Variants in SORCS3 observed in about 807,000 individuals in gnomAD.
SORCS3 encodes VPS10 domain-containing receptor SorCS3.
Under a neutral mutation model 146.3 loss-of-function variants are expected in SORCS3, and 57 were observed. That is an observed-to-expected ratio of 0.39 (90% confidence interval 0.31 to 0.49). The LOEUF is 0.49. Among genes scored for constraint, SORCS3 ranks in the 20% least tolerant of loss-of-function variants. The pLI is 0.92. For synonymous variants in SORCS3, 653 were observed against 618.5 expected (o/e 1.06, Z -0.83); for missense variants, 1,341 against 1,575.5 (o/e 0.85, Z 2.52).
At chr10:104,954,165 A>G (rs926333657) in intron 3 of SORCS3, among the ~76,000 whole-genome samples, 2 of 152,222 alleles carry the variant, frequency 1.3e-5, no homozygotes, top group African/African-American at 4.8e-5. Flanking sequence ...AAGAAAATTT[A>G]TGCATCCAAG....
At chr10:105,004,590 G>C (rs2055082712) in intron 4 of SORCS3, among the ~76,000 whole-genome samples, 1 of 152,128 alleles carries the variant, frequency 6.6e-6, no homozygotes. Context: ...TTAACTACCA[G>C]ATCCCTGCTG....
chr10:104,908,276 A>G (rs887000784), intron 2 of SORCS3, among the ~76,000 whole-genome samples: 5 of 152,236 alleles, frequency 3.3e-5, no homozygotes, highest in African/African-American at 1.2e-4. Context: ...TGACAATTGG[A>G]AACAGTGTCC....
Position 105,020,899 on chromosome 10 carries a change from T to G in SORCS3, c.955-22156T>G, listed in dbSNP as rs549479653. ...CTTGTCTGAGTTCGTATGATACTCA[T>G]CATCTATATCCTTGGCCACAGTACA... On this transcript the variant is annotated intron_variant, in intron 4 of 26. Transcript: ENST00000369701. Among the ~76,000 whole-genome samples, 3 of 152,322 alleles carry G rather than the reference T, an allele frequency of 2.0e-5. No individual in the cohort carries two copies. In the East Asian group the frequency reaches 5.8e-4, roughly 29 times the overall value.
In SORCS3 at chr10:104,812,556, C is replaced by A. The variant is rs894438380; in HGVS notation, c.628-30236C>A. On this transcript the variant is annotated intron_variant, in intron 1 of 26. Coordinates refer to ENST00000369701, the MANE Select transcript of SORCS3 (RefSeq NM_014978.3). ...TTTGTTTCCTCAAATAATAACAATG[C>A]ACAATGTTGGAATATTCCAGTGAGT... is the stretch of plus-strand genomic sequence containing the variant. 3.3e-5 allele frequency among the ~76,000 whole-genome samples: 5 copies of A among 152,354 alleles called. No individual in the cohort carries two copies. The East Asian group carries it at 9.6e-4, about 29-fold the overall frequency.
rs894323630 is a variant in SORCS3 at position 104,878,248 on chromosome 10, T to C, written c.695+35389T>C. Among the ~76,000 whole-genome samples, 38 of 152,146 alleles carry C rather than the reference T, an allele frequency of 2.5e-4. 1 individual carries two copies. The highest frequency in any genetic ancestry group is 8.9e-4 in the African/African-American group (37 of 41,440). On this transcript the variant is annotated intron_variant, in intron 2 of 26. Transcript: ENST00000369701. ...TGGACAAGACATTCATGGACCCTAC[T>C]CTTGACAAGTTGACATGCTTATAGG... is the stretch of plus-strand genomic sequence containing the variant.
intron 4 of SORCS3, among the ~76,000 whole-genome samples, chr10:105,042,688 T>A (rs182009892): frequency 1.3e-5 from 2 of 152,266 alleles, no homozygotes; most frequent in Non-Finnish European, 2.9e-5. Context: ...AGTAAAAGCA[T>A]GATATTTTGC....
At chr10:104,837,964 G>A (rs549312623) in intron 1 of SORCS3, among the ~76,000 whole-genome samples, 4 of 152,302 alleles carry the variant, frequency 2.6e-5, no homozygotes, top group South Asian at 2.1e-4. Flanking sequence ...TGCTGGTTGT[G>A]TGCTGTGGGG....
At chr10:104,660,571 C>T (rs564708886) in intron 1 of SORCS3, among the ~76,000 whole-genome samples, 1 of 152,332 alleles carries the variant, frequency 6.6e-6, no homozygotes, top group South Asian at 2.1e-4. Flanking sequence ...CCTCCACTTT[C>T]CTTCTGACCT....
At chr10:104,975,899 C>A (rs573679575) in intron 3 of SORCS3, among the ~76,000 whole-genome samples, 1 of 152,264 alleles carries the variant, frequency 6.6e-6, no homozygotes, top group African/African-American at 2.4e-5. Flanking sequence ...ACACCTTATA[C>A]AAAAATTAAT....
intron 1 of SORCS3, among the ~76,000 whole-genome samples, chr10:104,715,006 G>T (rs2016459713): frequency 6.6e-6 from 1 of 152,178 alleles, no homozygotes; most frequent in African/African-American, 2.4e-5. Flanking sequence ...TATAATTTAA[G>T]CTCGTGTTGT....
intron 3 of SORCS3, among the ~76,000 whole-genome samples, chr10:104,976,054 A>G (rs2054895470): frequency 6.6e-6 from 1 of 152,234 alleles, no homozygotes. Flanking sequence ...GCCAAAATTG[A>G]CAAATGGGAT....
intron 7 of SORCS3, among the ~76,000 whole-genome samples, chr10:105,124,627 T>C (rs1191801516): frequency 6.6e-6 from 1 of 152,204 alleles, no homozygotes; most frequent in Admixed American, 6.5e-5. Context: ...CCTCTCTGCA[T>C]TTCTTGGGCT....
intron 4 of SORCS3, among the ~76,000 whole-genome samples, chr10:104,977,730 C>CTTTTTTTTTTTTTTTTTTTTTTTTTT: frequency 8.1e-6 from 1 of 122,914 alleles, no homozygotes; most frequent in Non-Finnish European, 1.7e-5. Flanking sequence ...CTTTTCTTTT[C>CTTTTTTTTTTTTTTTTTTTTTTTTTT]TTTTTTTTTT....
intron 1 of SORCS3, among the ~76,000 whole-genome samples, chr10:104,732,477 A>T (rs1327563591): frequency 6.6e-6 from 1 of 152,172 alleles, no homozygotes; most frequent in African/African-American, 2.4e-5. Flanking sequence ...GCAAGAGAAG[A>T]ACACTCAGAA....
chr10:104,754,444 A>G (rs1178372439), intron 1 of SORCS3, among the ~76,000 whole-genome samples: 1 of 152,166 alleles, frequency 6.6e-6, no homozygotes, highest in Non-Finnish European at 1.5e-5. Flanking sequence ...CTTATACTGT[A>G]ACCTTTAGAG....
At chr10:104,690,623 T>C (rs1392446590) in intron 1 of SORCS3, among the ~76,000 whole-genome samples, 2 of 152,212 alleles carry the variant, frequency 1.3e-5, no homozygotes, top group Non-Finnish European at 2.9e-5. Flanking sequence ...GGAACCTTTA[T>C]ATTTATATTC....
At chr10:105,253,335 T>C (rs2056912338) in intron 23 of SORCS3, among the ~76,000 whole-genome samples, 1 of 152,224 alleles carries the variant, frequency 6.6e-6, no homozygotes, top group Admixed American at 6.5e-5. Context: ...AATGTTAAGC[T>C]CTGCTTCTGG....
At chr10:105,034,448 G>A (rs2055292308) in intron 4 of SORCS3, among the ~76,000 whole-genome samples, 2 of 152,144 alleles carry the variant, frequency 1.3e-5, no homozygotes, top group South Asian at 2.1e-4. Context: ...AAAGGCAGGT[G>A]GGAGATGAGC....
In SORCS3 at chr10:104,818,356, CCTTT is replaced by C. The variant is rs57879764; in HGVS notation, c.628-24432_628-24429del. ...AATTTTTCTTCTCTTTCTTTCTTCT[CCTTT>C]CTTCCTTCCTTCCTTCCTTCCTTCC... On this transcript the variant is annotated intron_variant, in intron 1 of 26. Transcript: ENST00000369701. Among the ~76,000 whole-genome samples, 246 of 139,826 alleles carry C rather than the reference CCTTT, an allele frequency of 1.8e-3. 2 individuals are homozygous for C. Among genetic ancestry groups the C allele is most frequent in the South Asian group, 3.1e-3 (13 of 4,170 alleles). The allele number at this position is 139,826 out of a possible 152,430, so 91.7% of individuals were successfully genotyped here.
Sources: gnomAD v4.1 joint callset for allele counts (sites outside exome capture counted in the v4.1 genomes callset) on GRCh38, gnomAD v4.1.1 for gene constraint, MANE v1.5 for transcripts, NCBI Gene and HGNC (gene_info 2026-07-23, HGNC 2026-07-21) for gene names.